CLPSL1: variants seen among roughly 807,000 people sequenced by gnomAD.
The protein encoded by CLPSL1 is colipase-like protein 1.
CLPSL1 carries 13 observed loss-of-function variants against 9.3 expected under a neutral mutation model. That is an observed-to-expected ratio of 1.40 (90% CI 0.91 to 2.22). The LOEUF is 2.22. Ranked by LOEUF, CLPSL1 falls within the 30% of genes most tolerant of loss-of-function variation. The probability of loss-of-function intolerance (pLI) is 0.00; values close to 1 mark genes in which losing one functional copy is unlikely to be tolerated. For synonymous variants in CLPSL1, 58 were observed against 56.9 expected, an observed-to-expected ratio of 1.02 and a Z score of -0.08; for missense variants, 164 against 146.6, an observed-to-expected ratio of 1.12 and a Z score of -0.61.
At chr6:35,791,055 A>AG (rs1220306990), downstream of CLPSL1, among the ~76,000 whole-genome samples, 2 of 152,202 alleles carry the variant, frequency 1.3e-5, no homozygotes, top group East Asian at 3.9e-4. Flanking sequence ...AAAAAAAAAA[A>AG]AAAGAAAGAA....
downstream of CLPSL1, among the ~76,000 whole-genome samples, chr6:35,788,879 C>T (rs1471632863): frequency 6.6e-6 from 1 of 152,262 alleles, no homozygotes; most frequent in African/African-American, 2.4e-5. Flanking sequence ...ATTCAGGTTA[C>T]ATTTTGGAGT....
rs1486055684 is a variant in CLPSL1 at position 35,781,029 on chromosome 6, CCCA to C, written c.-80_-78del. On this transcript the variant is annotated 5_prime_UTR_variant, in exon 1 of 3. Transcript: ENST00000373861. ...TTGGGTGCTGGTTTTACATGGTGTT[CCCA>C]CAGCTGGGAGGACACCCACATGGTC... 3.2e-6 allele frequency: 5 copies of C among 1,573,306 alleles called. No individual in the cohort carries two copies. The East Asian group carries it at 1.1e-4, about 35-fold the overall frequency.
intron 2 of CLPSL1, 45 bp from the exon 3 acceptor site, chr6:35,787,822 G>A (rs1162713777): frequency 3.8e-6 from 6 of 1,586,280 alleles, no homozygotes; most frequent in Non-Finnish European, 5.2e-6. Context: ...GGGGCTCAGG[G>A]AAGAGCTGCC....
chr6:35,792,893 T>C (rs1331078888), downstream of CLPSL1, among the ~76,000 whole-genome samples: 1 of 152,266 alleles, frequency 6.6e-6, no homozygotes, highest in Non-Finnish European at 1.5e-5. Context: ...GCTCCTCTTG[T>C]TGAGCACATA....
intron 1 of CLPSL1, among the ~76,000 whole-genome samples, chr6:35,784,602 C>T (rs1768032046): frequency 6.6e-6 from 1 of 152,106 alleles, no homozygotes; most frequent in African/African-American, 2.4e-5. Context: ...TAAAATTCAA[C>T]AAAATTTAAA....
In CLPSL1 at chr6:35,786,985, T is replaced by C; in HGVS notation, c.100-13T>C. The stretch of plus-strand genomic sequence containing the variant: ...GGCGGTGGAGCCTGGCGGTGCCGTG[T>C]CCCTCCCTGCAGGAGCTCAAGGAGT... On this transcript the variant is annotated splice_polypyrimidine_tract_variant and intron_variant, in intron 1 of 2. Transcript: ENST00000373861. 6.4e-7 allele frequency: 1 copy of C among 1,568,180 alleles called. No individual in the cohort carries two copies. The highest frequency in any genetic ancestry group is 1.2e-5 in the South Asian group (1 of 85,380).
At chr6:35,781,247 C>G (rs1767961709) in intron 1 of CLPSL1, 38 bp downstream of exon 1, 2 of 1,607,306 alleles carry the variant, frequency 1.2e-6, no homozygotes, top group African/African-American at 1.3e-5. Flanking sequence ...TCCCCCTCCA[C>G]TGTCCTAAGG....
chr6:35,791,634 G>T (rs992704022), downstream of CLPSL1, among the ~76,000 whole-genome samples: 9 of 151,810 alleles, frequency 5.9e-5, no homozygotes, highest in Non-Finnish European at 1.2e-4. Context: ...AAAAGAAAAA[G>T]AAAATACATT....
chr6:35,791,866 G>A (rs536043731), downstream of CLPSL1, among the ~76,000 whole-genome samples: 92 of 152,052 alleles, frequency 6.1e-4, no homozygotes, highest in African/African-American at 1.9e-3. Context: ...TCAGGAGTTC[G>A]CAACCAGCCT....
chr6:35,788,004 C>A lies in CLPSL1; in HGVS notation c.360C>A (p.Phe120Leu), dbSNP rs748990784. ...IGRQKLAKKM[F>L]F ...GGCAGAAGTTGGCTAAGAAAATGTT[C>A]TTCTAGTGCTCCCTCCTTCTTGCTG... The change falls in exon 3 of 3, where the codon TTC becomes TTA. Residue 120 changes from phenylalanine (F) to leucine (L), a missense_variant. Coordinates refer to ENST00000373861, the MANE Select transcript of CLPSL1 (RefSeq NM_001010886.5). 3 of 1,610,686 alleles carry A rather than the reference C, an allele frequency of 1.9e-6. No homozygotes were observed. Among genetic ancestry groups the A allele is most frequent in the South Asian group, 1.1e-5 (1 of 90,940 alleles).
downstream of CLPSL1, among the ~76,000 whole-genome samples, chr6:35,788,837 T>C (rs1768140121): frequency 6.6e-6 from 1 of 152,272 alleles, no homozygotes; most frequent in Non-Finnish European, 1.5e-5. Flanking sequence ...AGTTAGATGC[T>C]AGCTCGCTTG....
downstream of CLPSL1, among the ~76,000 whole-genome samples, chr6:35,789,596 A>G (rs1768149584): frequency 6.6e-6 from 1 of 152,282 alleles, no homozygotes; most frequent in African/African-American, 2.4e-5. Context: ...ATGGGACTAC[A>G]TGCTGAAAAG....
exon 2 of CLPSL1, chr6:35,793,640 A>C: frequency 2.2e-6 from 1 of 464,196 alleles, no homozygotes; most frequent in South Asian, 1.6e-5. Context: ...CTTTGGATTC[A>C]TGAGAAATAT....
chr6:35,787,841 C>T lies in CLPSL1; in HGVS notation c.223-26C>T, dbSNP rs57267367. The T allele has an allele frequency of 7.2e-4, 1,155 of 1,601,088 alleles. No homozygotes were observed. In the African/African-American group the frequency reaches 0.013, roughly 18 times the overall value. ...CTCAGGGAAGAGCTGCCGCCAAGGTCGAGGTCAAAGTCCTGTCTTTCCCAG... is the reference window on the plus strand; with the variant it reads ...CTCAGGGAAGAGCTGCCGCCAAGGTTGAGGTCAAAGTCCTGTCTTTCCCAG... On this transcript the variant is annotated intron_variant, in intron 2 of 2. Transcript: ENST00000373861.
In CLPSL1 at chr6:35,787,081, C is replaced by A; in HGVS notation, c.183C>A (p.Cys61Ter). 1 of 1,609,876 alleles carries A rather than the reference C, an allele frequency of 6.2e-7. No homozygotes were observed. The highest frequency in any genetic ancestry group is 8.5e-7 in the Non-Finnish European group (1 of 1,178,972). ...CTCCAGACAATTGCGAGTCGCACTG[C>A]GCGGAGAAGGGGTCCGAGGGCAGTC... is the stretch of plus-strand genomic sequence containing the variant. ...QRAPDNCESH[C>*]AEKGSEGSLC... The change falls in exon 2 of 3, where the codon TGC (cysteine) becomes TGA (stop). Residue 61 changes from cysteine to a stop codon, truncating the protein, a stop_gained. Coordinates refer to ENST00000373861, the MANE Select transcript of CLPSL1 (RefSeq NM_001010886.5). LOFTEE classifies it low-confidence loss of function (END_TRUNC).
In CLPSL1 at chr6:35,787,006, G is replaced by A. The variant is rs1244760364; in HGVS notation, c.108G>A (p.Lys36=). The change falls in exon 2 of 3, where the codon AAG becomes AAA. Residue 36 remains lysine (K), a synonymous_variant. Transcript: ENST00000373861. ...SPTKYNLLEL[K]ESCIRNQDCE... is the part of the protein sequence containing the mutation. ...CGTGTCCCTCCCTGCAGGAGCTCAA[G>A]GAGTCTTGCATCCGGAACCAGGACT... is the stretch of plus-strand genomic sequence containing the variant. 1.9e-6 allele frequency: 3 copies of A among 1,580,896 alleles called. No homozygotes were observed. The highest frequency in any genetic ancestry group is 2.6e-6 in the Non-Finnish European group (3 of 1,165,330).
At chr6:35,788,356 C>T (rs1208469012), downstream of CLPSL1, among the ~76,000 whole-genome samples, 1 of 152,252 alleles carries the variant, frequency 6.6e-6, no homozygotes, top group Non-Finnish European at 1.5e-5. Flanking sequence ...TGCCTTCAGC[C>T]CACTCTGTAA....
chr6:35,790,759 G>A (rs1467292136), downstream of CLPSL1, among the ~76,000 whole-genome samples: 2 of 152,268 alleles, frequency 1.3e-5, no homozygotes, highest in African/African-American at 4.8e-5. Flanking sequence ...AAACTCCTGG[G>A]AGGGGGATTT....
intron 1 of CLPSL1, among the ~76,000 whole-genome samples, chr6:35,785,946 C>CAAAAAAAAA (rs35079833): frequency 9.0e-6 from 1 of 110,750 alleles, no homozygotes; most frequent in African/African-American, 3.7e-5. Flanking sequence ...GAGACTTTGT[C>CAAAAAAAAA]AAAAAAAAAA....
Sources: gnomAD v4.1 joint callset for allele counts (sites outside exome capture counted in the v4.1 genomes callset) on GRCh38, gnomAD v4.1.1 for gene constraint, MANE v1.5 for transcripts, NCBI Gene and HGNC (gene_info 2026-07-23, HGNC 2026-07-21) for gene names.